Variants in SPIDR observed in about 807,000 individuals in gnomAD.
SPIDR encodes the protein scaffold protein involved in DNA repair.
SPIDR carries 93 observed loss-of-function variants against 104.6 expected under a neutral mutation model. That is an observed-to-expected ratio of 0.89 (90% CI 0.75 to 1.06). The LOEUF is 1.06. Ranked by LOEUF, SPIDR falls within the 50% of genes least tolerant of loss-of-function variation. The pLI is 0.00. For synonymous variants in SPIDR, 431 were observed against 416.9 expected, an observed-to-expected ratio of 1.03 and a Z score of -0.41; for missense variants, 1,154 against 1,111.2, an observed-to-expected ratio of 1.04 and a Z score of -0.55.
intron 5 of SPIDR, among the ~76,000 whole-genome samples, chr8:47,384,279 A>G (rs1038009662): frequency 1.3e-5 from 2 of 152,192 alleles, no homozygotes; most frequent in Non-Finnish European, 2.9e-5. Context: ...GTGTAGTTGT[A>G]TATGTACGTT....
chr8:47,548,215 G>C (rs1472633829), intron 8 of SPIDR, among the ~76,000 whole-genome samples: 1 of 152,108 alleles, frequency 6.6e-6, no homozygotes, highest in African/African-American at 2.4e-5. Context: ...TAATTTATAT[G>C]ATAAAGTATG....
chr8:47,497,893 C>T (rs1373317519), intron 8 of SPIDR, among the ~76,000 whole-genome samples: 1 of 152,108 alleles, frequency 6.6e-6, no homozygotes, highest in East Asian at 1.9e-4. Context: ...AAGGCAGAGT[C>T]TTCATGTGGA....
chr8:47,678,973 C>T (rs1011641943), intron 11 of SPIDR, among the ~76,000 whole-genome samples: 1 of 152,158 alleles, frequency 6.6e-6, no homozygotes, highest in African/African-American at 2.4e-5. Flanking sequence ...CAGCCCACTG[C>T]CCTGCTAGCC....
intron 8 of SPIDR, among the ~76,000 whole-genome samples, chr8:47,496,640 G>A (rs1291418729): frequency 6.6e-6 from 1 of 151,180 alleles, no homozygotes; most frequent in African/African-American, 2.4e-5. Context: ...AAGAGATATG[G>A]GTCTGGAATT....
intron 8 of SPIDR, among the ~76,000 whole-genome samples, chr8:47,486,613 A>G (rs574550771): frequency 6.6e-6 from 1 of 152,342 alleles, no homozygotes; most frequent in African/African-American, 2.4e-5. Flanking sequence ...AGGTCGGGTT[A>G]CCCACAAAGG....
intron 5 of SPIDR, among the ~76,000 whole-genome samples, chr8:47,354,752 C>T (rs1241820873): frequency 1.3e-5 from 2 of 152,062 alleles, no homozygotes; most frequent in African/African-American, 4.8e-5. Flanking sequence ...GGTGATCCTC[C>T]TGCCTCAGCC....
chr8:47,702,136 C>CACACAT (rs1168597100), intron 14 of SPIDR, 121 bp downstream of exon 14: 1 of 1,026,434 alleles, frequency 9.7e-7, no homozygotes, highest in African/African-American at 1.7e-5. Flanking sequence ...CACACACACA[C>CACACAT]GGTGTTAGAG....
intron 10 of SPIDR, among the ~76,000 whole-genome samples, chr8:47,671,050 C>T (rs2075721070): frequency 6.6e-6 from 1 of 152,078 alleles, no homozygotes. Context: ...GCTGAGACCA[C>T]AACCGTGCAC....
At chr8:47,681,893 C>T (rs1475833033) in intron 11 of SPIDR, among the ~76,000 whole-genome samples, 1 of 152,006 alleles carries the variant, frequency 6.6e-6, no homozygotes, top group Non-Finnish European at 1.5e-5. Context: ...AATACAGCAA[C>T]CTGAGCAATA....
chr8:47,408,424 T>A (rs1057148856), intron 7 of SPIDR, among the ~76,000 whole-genome samples: 5 of 152,144 alleles, frequency 3.3e-5, no homozygotes, highest in Non-Finnish European at 7.3e-5. Context: ...CGTGCCCAGC[T>A]CCTCTTAGCA....
In SPIDR at chr8:47,599,111, CAA is replaced by C. The variant is rs779961540; in HGVS notation, c.1461_1462del (p.Arg488SerfsTer41). On this transcript the variant is annotated frameshift_variant, in exon 10 of 20. Coordinates refer to ENST00000297423, the MANE Select transcript of SPIDR (RefSeq NM_001080394.4). LOFTEE classifies it high-confidence loss of function. The stretch of plus-strand genomic sequence containing the variant: ...AGGAGCTGGAGTCCGAGTGGTGGTG[CAA>C]AGAGTGTATTCTCTTCCCAGCAGAG... Reference protein sequence around the residue: ...WPGAGVRVVVQRVYSLPSRDS... With the variant: ...WPGAGVRVVVXRVYSLPSRDS... 2.5e-6 allele frequency: 4 copies of C among 1,612,808 alleles called. No individual in the cohort carries two copies. The African/African-American group carries it at 4.0e-5, about 16-fold the overall frequency.
chr8:47,401,164 A>G (rs568719284), intron 6 of SPIDR, among the ~76,000 whole-genome samples: 126 of 152,350 alleles, frequency 8.3e-4, no homozygotes, highest in Non-Finnish European at 1.6e-3. Flanking sequence ...AAGCCAGAAT[A>G]GAGTGGGGGG....
intron 19 of SPIDR, among the ~76,000 whole-genome samples, chr8:47,732,883 G>T (rs1041315680): frequency 5.9e-5 from 9 of 152,200 alleles, no homozygotes; most frequent in African/African-American, 2.2e-4. Flanking sequence ...GTCTGTAGTT[G>T]TGCATCTCAT....
intron 7 of SPIDR, among the ~76,000 whole-genome samples, chr8:47,430,175 G>A (rs1387557875): frequency 6.6e-6 from 1 of 152,182 alleles, no homozygotes; most frequent in African/African-American, 2.4e-5. Flanking sequence ...TGGTCGCTCT[G>A]TGTTTTTGTT....
At chr8:47,689,102 T>C (rs2078250328) in intron 11 of SPIDR, among the ~76,000 whole-genome samples, 2 of 152,202 alleles carry the variant, frequency 1.3e-5, no homozygotes, top group South Asian at 4.1e-4. Flanking sequence ...GTGTTGTAGG[T>C]GGCTTGTCTT....
At chr8:47,539,313 G>A (rs1587413003) in intron 8 of SPIDR, among the ~76,000 whole-genome samples, 4 of 152,214 alleles carry the variant, frequency 2.6e-5, no homozygotes, top group African/African-American at 9.6e-5. Flanking sequence ...ACCATCATAT[G>A]TAAGTCCTTT....
intron 5 of SPIDR, among the ~76,000 whole-genome samples, chr8:47,346,441 G>A (rs1274169217): frequency 4.6e-5 from 7 of 152,194 alleles, no homozygotes; most frequent in East Asian, 3.9e-4. Flanking sequence ...TTTTTGATGT[G>A]TCTCTGCCAG....
intron 11 of SPIDR, among the ~76,000 whole-genome samples, chr8:47,692,097 G>A (rs2078732776): frequency 6.6e-6 from 1 of 152,226 alleles, no homozygotes; most frequent in Admixed American, 6.5e-5. Context: ...AGTATTTCAG[G>A]TCAGGTTTAG....
chr8:47,275,837 T>G lies in SPIDR; in HGVS notation c.34-4025T>G, dbSNP rs922546194. 8.8e-3 allele frequency among the ~76,000 whole-genome samples: 1,342 copies of G among 152,196 alleles called. 10 individuals carry two copies. The highest frequency in any genetic ancestry group is 0.017 in the Middle Eastern group (5 of 294). On this transcript the variant is annotated intron_variant, in intron 1 of 19. Transcript: ENST00000297423. The stretch of plus-strand genomic sequence containing the variant: ...TTTTTTTAAATTTTCTGTGCGTGTG[T>G]TTTTTGTTTTTGTTTTTGTTTTTTG...
Sources: allele counts gnomAD v4.1 joint callset (sites outside exome capture counted in the v4.1 genomes callset), GRCh38; gene constraint gnomAD v4.1.1; transcripts MANE v1.5; gene names NCBI Gene and HGNC (gene_info 2026-07-23, HGNC 2026-07-21).